The following UBE3C variants were observed in gnomAD, a reference collection of about 807,000 sequenced individuals.
UBE3C encodes ubiquitin-protein ligase E3C.
Under a neutral mutation model 129.4 loss-of-function variants are expected in UBE3C, and 42 were observed. The observed-to-expected ratio is 0.32, with a 90% CI of 0.25 to 0.42. The LOEUF is 0.42. Ranked by LOEUF, UBE3C falls within the 10% of genes least tolerant of loss-of-function variation. The pLI, the probability that UBE3C is intolerant of heterozygous loss-of-function variation, is 1.00. For synonymous variants in UBE3C, 510 were observed against 492.4 expected, an observed-to-expected ratio of 1.04 and a Z score of -0.47; for missense variants, 1,049 against 1,319.1, an observed-to-expected ratio of 0.80 and a Z score of 3.17.
chr7:157,258,059 C>T (rs972418113), intron 22 of UBE3C, among the ~76,000 whole-genome samples: 2 of 151,362 alleles, frequency 1.3e-5, no homozygotes, highest in Non-Finnish European at 2.9e-5. Context: ...GCAATCTGCC[C>T]ACCTCAGCCT....
intron 11 of UBE3C, 126 bp from the exon 12 acceptor site, chr7:157,207,272 A>T: frequency 1.5e-6 from 2 of 1,327,434 alleles, no homozygotes; most frequent in Admixed American, 2.7e-5. Flanking sequence ...GCCTTTAAAT[A>T]GTTTAATTCC....
Position 157,256,986 on chromosome 7 carries a change from A to G in UBE3C, c.3023A>G (p.Lys1008Arg), listed in dbSNP as rs1796768979. Reference sequence around the variant, plus strand: ...GTGGAAGGGTTCACTGATGAAGAAAAGCGCAAACTGCTGAAGTTTGTAACA... The same window carrying G: ...GTGGAAGGGTTCACTGATGAAGAAAGGCGCAAACTGCTGAAGTTTGTAACA... ...RVVEGFTDEE[K>R]RKLLKFVTSC... is the part of the protein sequence containing the mutation. The change falls in exon 22 of 23, where the codon AAG (lysine) becomes AGG (arginine). Residue 1008 changes from lysine to arginine, a missense_variant. Coordinates refer to ENST00000348165, the MANE Select transcript of UBE3C (RefSeq NM_014671.3). The G allele has an allele frequency of 6.2e-7, 1 of 1,614,200 alleles. No homozygotes were observed. Among genetic ancestry groups the G allele is most frequent in the East Asian group, 2.2e-5 (1 of 44,882 alleles).
At chr7:157,242,558 A>C (rs1796367058) in intron 18 of UBE3C, among the ~76,000 whole-genome samples, 2 of 139,832 alleles carry the variant, frequency 1.4e-5, no homozygotes, top group Non-Finnish European at 3.0e-5. Context: ...TGTCTTTCAG[A>C]AGCAGGAGTG....
chr7:157,180,515 T>C (rs1185436697), intron 6 of UBE3C, among the ~76,000 whole-genome samples: 1 of 152,230 alleles, frequency 6.6e-6, no homozygotes, highest in African/African-American at 2.4e-5. Context: ...TTCACTCAAA[T>C]ACGAAGCTGT....
chr7:157,243,573 C>T (rs540462118), intron 18 of UBE3C, among the ~76,000 whole-genome samples: 49 of 152,162 alleles, frequency 3.2e-4, no homozygotes, highest in Non-Finnish European at 3.8e-4. Flanking sequence ...CCTGGCCCCT[C>T]CCAGGGAGCT....
At position 157,267,862 on chromosome 7, in the gene UBE3C, A is replaced by G; in HGVS notation, c.*107A>G. 2 of 948,146 alleles carry G rather than the reference A, an allele frequency of 2.1e-6. No homozygotes were observed. Among genetic ancestry groups the G allele is most frequent in the South Asian group, 2.2e-5 (1 of 45,592 alleles). The allele number at this position is 948,146 out of a possible 1,614,324, so 58.7% of individuals were successfully genotyped here. On this transcript the variant is annotated 3_prime_UTR_variant, in exon 23 of 23. Coordinates refer to ENST00000348165, the MANE Select transcript of UBE3C (RefSeq NM_014671.3). ...ACACTGCACGCCTGAGGCTCTCCTA[A>G]GCTCCTTCTTTCATTCTGCCATTCC...
intron 22 of UBE3C, among the ~76,000 whole-genome samples, chr7:157,264,384 T>G (rs1797014155): frequency 8.7e-6 from 1 of 115,422 alleles, no homozygotes; most frequent in East Asian, 2.8e-4. Context: ...ACTACAGGTG[T>G]GAGTCAACAT....
intron 3 of UBE3C, among the ~76,000 whole-genome samples, chr7:157,169,448 T>C (rs1808306115): frequency 6.6e-6 from 1 of 151,670 alleles, no homozygotes; most frequent in South Asian, 2.1e-4. Context: ...TGATCTCGGC[T>C]CACTGCAACC....
At chr7:157,186,480 A>T (rs1162255756) in intron 9 of UBE3C, among the ~76,000 whole-genome samples, 1 of 152,160 alleles carries the variant, frequency 6.6e-6, no homozygotes, top group Non-Finnish European at 1.5e-5. Context: ...TCAAATTAAA[A>T]TGAAAATGCC....
chr7:157,227,837 G>T (rs1301430923), intron 17 of UBE3C, among the ~76,000 whole-genome samples: 4 of 152,198 alleles, frequency 2.6e-5, no homozygotes, highest in African/African-American at 4.8e-5. Context: ...CTCCCTAGGG[G>T]CATGCTAATA....
chr7:157,167,913 A>C (rs1808261758), intron 2 of UBE3C, among the ~76,000 whole-genome samples: 1 of 152,186 alleles, frequency 6.6e-6, no homozygotes, highest in Admixed American at 6.5e-5. Flanking sequence ...AATGATGAAG[A>C]ACGCATATTT....
intron 1 of UBE3C, among the ~76,000 whole-genome samples, chr7:157,143,873 C>T (rs780748832): frequency 2.0e-5 from 3 of 152,060 alleles, no homozygotes; most frequent in Non-Finnish European, 4.4e-5. Context: ...GGGTGGGACT[C>T]GTGAGGTACT....
At chr7:157,211,081 A>G (rs958592082) in intron 13 of UBE3C, among the ~76,000 whole-genome samples, 20 of 151,878 alleles carry the variant, frequency 1.3e-4, no homozygotes, top group African/African-American at 4.8e-4. Flanking sequence ...CAAACTTAAC[A>G]GGAGTTTCCT....
At chr7:157,185,982 A>G (rs977349728) in intron 9 of UBE3C, among the ~76,000 whole-genome samples, 2 of 152,188 alleles carry the variant, frequency 1.3e-5, no homozygotes, top group African/African-American at 4.8e-5. Flanking sequence ...ATATTCATAT[A>G]TACACATACA....
chr7:157,199,420 C>T (rs1162115225), intron 10 of UBE3C, among the ~76,000 whole-genome samples: 2 of 151,548 alleles, frequency 1.3e-5, no homozygotes, highest in African/African-American at 4.8e-5. Flanking sequence ...TACAGCTTCC[C>T]TTTTCAACAG....
intron 2 of UBE3C, among the ~76,000 whole-genome samples, chr7:157,164,684 C>G (rs1167679920): frequency 1.3e-5 from 2 of 152,080 alleles, no homozygotes; most frequent in African/African-American, 4.8e-5. Flanking sequence ...GTTATTTTAA[C>G]AATTCATTTA....
Position 157,198,024 on chromosome 7 carries a change from C to T in UBE3C, c.1332-3697C>T, listed in dbSNP as rs1335065103. The T allele has an allele frequency of 3.7e-6, 6 of 1,602,840 alleles. No individual in the cohort carries two copies. In the African/African-American group the frequency reaches 4.0e-5, roughly 11 times the overall value. ...GTCCTCCATATCCCAATTCACTTGG[C>T]CACCATGAACAAGGCACTGAAGCTC... On this transcript the variant is annotated intron_variant, in intron 10 of 22. Coordinates refer to ENST00000348165, the MANE Select transcript of UBE3C (RefSeq NM_014671.3).
At chr7:157,203,119 A>T (rs1217290859) in intron 11 of UBE3C, among the ~76,000 whole-genome samples, 1 of 152,238 alleles carries the variant, frequency 6.6e-6, no homozygotes, top group African/African-American at 2.4e-5. Flanking sequence ...ACTGGTGTTC[A>T]AATCATCTGG....
Position 157,181,555 on chromosome 7 carries a change from G to A in UBE3C, c.654G>A (p.Lys218=), listed in dbSNP as rs141939382. The A allele has an allele frequency of 2.1e-4, 343 of 1,611,748 alleles. No homozygotes were observed. Among genetic ancestry groups the A allele is most frequent in the Non-Finnish European group, 2.8e-4 (336 of 1,179,420 alleles). ...CTCTATATTTGTTGATTAACAGCAA[G>A]CTTCCATCAAGTATTGAATATTCTG... ...YRSLYLLINS[K]LPSSIEYSDL... is the part of the protein sequence containing the mutation. Residue 218 remains lysine (K), a synonymous_variant, in exon 7 of 23, where the codon AAG becomes AAA. Transcript: ENST00000348165.
Sources: allele counts gnomAD v4.1 joint callset (sites outside exome capture counted in the v4.1 genomes callset), GRCh38; gene constraint gnomAD v4.1.1; transcripts MANE v1.5; gene names NCBI Gene and HGNC (gene_info 2026-07-23, HGNC 2026-07-21).